PTPN12: variants seen among roughly 807,000 people sequenced by gnomAD.
PTPN12 encodes the protein protein tyrosine phosphatase non-receptor type 12.
In PTPN12, 29 loss-of-function variants were observed where a neutral mutation model predicts 97.6. The observed-to-expected ratio is 0.30, with a 90% confidence interval of 0.22 to 0.41. The LOEUF (loss-of-function observed/expected upper bound fraction) is 0.41. Ranked by LOEUF, PTPN12 falls within the 10% of genes least tolerant of loss-of-function variation. PTPN12 has a pLI of 1.00. For synonymous variants in PTPN12, 327 were observed against 300.4 expected (o/e 1.09, Z -0.91); for missense variants, 819 against 926.0 (o/e 0.88, Z 1.50).
chr7:77,576,722 A>G (rs1251014923), intron 2 of PTPN12, among the ~76,000 whole-genome samples: 1 of 152,162 alleles, frequency 6.6e-6, no homozygotes, highest in Non-Finnish European at 1.5e-5. Context: ...CCAATGAAGA[A>G]TATTAAAACA....
chr7:77,592,281 T>G, intron 6 of PTPN12, 25 bp downstream of exon 6: 1 of 1,572,616 alleles, frequency 6.4e-7, no homozygotes, highest in Non-Finnish European at 8.7e-7. Flanking sequence ...TTGTAAACAC[T>G]TTTTTCAGAA....
At chr7:77,638,501 T>C in intron 16 of PTPN12, 123 bp from the exon 17 acceptor site, 1 of 1,290,168 alleles carries the variant, frequency 7.8e-7, no homozygotes, top group Non-Finnish European at 9.9e-7. Flanking sequence ...CCTGTAAAAT[T>C]ATGGTGCCCA....
chr7:77,574,842 T>C, intron 2 of PTPN12, among the ~76,000 whole-genome samples: 1 of 151,764 alleles, frequency 6.6e-6, no homozygotes, highest in Non-Finnish European at 1.5e-5. Flanking sequence ...TTTTTTTTTC[T>C]TTTTTTTGAG....
chr7:77,580,912 C>T (rs903143595), intron 2 of PTPN12, among the ~76,000 whole-genome samples: 1 of 152,164 alleles, frequency 6.6e-6, no homozygotes, highest in African/African-American at 2.4e-5. Context: ...GCTGCAGAGG[C>T]TGAAACCCTA....
intron 12 of PTPN12, among the ~76,000 whole-genome samples, chr7:77,622,206 T>C (rs116227709): frequency 0.014 from 2,195 of 152,302 alleles, 56 homozygotes; most frequent in African/African-American, 0.05. Flanking sequence ...CCACCCATTT[T>C]GGCCTCCCAA....
chr7:77,555,563 A>G (rs946297929), intron 1 of PTPN12, among the ~76,000 whole-genome samples: 42 of 152,188 alleles, frequency 2.8e-4, no homozygotes, highest in African/African-American at 9.4e-4. Context: ...TGTCTAGTCT[A>G]CTAGTAAGCC....
rs1554326598 is a variant in PTPN12 at position 77,625,472 on chromosome 7, G to GCTTGCGCGCTCTCTCTCTCTCT, written c.1026-1231_1026-1230insTGCGCGCTCTCTCTCTCTCTCT. Among the ~76,000 whole-genome samples the GCTTGCGCGCTCTCTCTCTCTCT allele has an allele frequency of 2.4e-4, 8 of 33,522 alleles. 2 individuals are homozygous for GCTTGCGCGCTCTCTCTCTCTCT. Among genetic ancestry groups the GCTTGCGCGCTCTCTCTCTCTCT allele is most frequent in the African/African-American group, 1.1e-3 (8 of 7,510 alleles). 22.0% of individuals were successfully genotyped at this position (33,522 alleles called of 152,430 possible). ...TTTTGCCATATTGCCCAGGCTGCTCGCTCTCTCTCTCTCTCTCTCTCTCTC... is the reference window on the plus strand; with the variant it reads ...TTTTGCCATATTGCCCAGGCTGCTCGCTTGCGCGCTCTCTCTCTCTCTCTCTCTCTCTCTCTCTCTCTCTCTC... On this transcript the variant is annotated intron_variant, in intron 12 of 17. Coordinates refer to ENST00000248594, the MANE Select transcript of PTPN12 (RefSeq NM_002835.4).
At chr7:77,600,989 G>T in intron 8 of PTPN12, 183 bp downstream of exon 8, 1 of 542,512 alleles carries the variant, frequency 1.8e-6, no homozygotes, top group South Asian at 2.6e-5. Flanking sequence ...GAGTATTGTT[G>T]CATTAAAACA....
chr7:77,583,459 C>T, intron 3 of PTPN12, 96 bp from the exon 4 acceptor site: 1 of 766,278 alleles, frequency 1.3e-6, no homozygotes, highest in East Asian at 2.7e-5. Flanking sequence ...GTTAAAACAA[C>T]AATATTACTA....
At chr7:77,545,416 TAAAAA>T (rs1034549335) in intron 1 of PTPN12, among the ~76,000 whole-genome samples, 14 of 152,182 alleles carry the variant, frequency 9.2e-5, no homozygotes, top group African/African-American at 2.9e-4. Context: ...AAATATAAGT[TAAAAA>T]AACTCATTGC....
chr7:77,601,032 G>T, intron 8 of PTPN12: 1 of 453,792 alleles, frequency 2.2e-6, no homozygotes, highest in Admixed American at 3.9e-5. Flanking sequence ...GTATTCACAT[G>T]GTGGGAAGCT....
At chr7:77,581,339 C>CT in intron 2 of PTPN12, 88 bp from the exon 3 acceptor site, 3 of 775,404 alleles carry the variant, frequency 3.9e-6, no homozygotes, top group Non-Finnish European at 6.2e-6. Flanking sequence ...AATAAATGTT[C>CT]TTAAGCTGTC....
intron 8 of PTPN12, chr7:77,604,784 G>A (rs1788306116): frequency 7.0e-6 from 2 of 286,212 alleles, no homozygotes; most frequent in Non-Finnish European, 1.4e-5. Context: ...TATCCAATAT[G>A]TTTATATCAT....
intron 1 of PTPN12, among the ~76,000 whole-genome samples, chr7:77,545,526 A>G (rs1807172553): frequency 6.6e-6 from 1 of 151,976 alleles, no homozygotes; most frequent in Non-Finnish European, 1.5e-5. Flanking sequence ...CCTTTTTCAA[A>G]CTGTAATTAT....
chr7:77,572,708 T>C (rs372926690), intron 2 of PTPN12, among the ~76,000 whole-genome samples: 1 of 152,174 alleles, frequency 6.6e-6, no homozygotes, highest in Non-Finnish European at 1.5e-5. Context: ...TCTCTGTGCC[T>C]TGGTTTTGTC....
At chr7:77,612,324 A>G (rs1788598237) in intron 11 of PTPN12, among the ~76,000 whole-genome samples, 1 of 152,240 alleles carries the variant, frequency 6.6e-6, no homozygotes, top group Non-Finnish European at 1.5e-5. Flanking sequence ...TAACATAGGA[A>G]TTATTGTGCA....
chr7:77,612,196 G>A (rs951399885), intron 11 of PTPN12, among the ~76,000 whole-genome samples: 8 of 152,064 alleles, frequency 5.3e-5, no homozygotes, highest in African/African-American at 1.7e-4. Flanking sequence ...GCTGATCTCA[G>A]TTTGTTAGGA....
chr7:77,621,924 A>G (rs1345838109), intron 12 of PTPN12, among the ~76,000 whole-genome samples: 1 of 152,140 alleles, frequency 6.6e-6, no homozygotes, highest in Non-Finnish European at 1.5e-5. Flanking sequence ...ATGACTGTAC[A>G]TGTCTTTCAG....
At position 77,605,940 on chromosome 7, in the gene PTPN12, G is replaced by T. The variant is rs542934533; in HGVS notation, c.696-1295G>T. 2.3e-5 allele frequency among the ~76,000 whole-genome samples: 3 copies of T among 129,136 alleles called. No homozygotes were observed. The East Asian group carries it at 6.8e-4, about 29-fold the overall frequency. 84.7% of individuals were successfully genotyped at this position (129,136 alleles called of 152,430 possible). A position where few individuals can be genotyped will look rare whatever the true frequency, so the allele number is the denominator to read the frequency against. On this transcript the variant is annotated intron_variant, in intron 8 of 17. Transcript: ENST00000248594. ...TTTCCTCCTGTACTCTAAAACAAGA[G>T]CCATCTTTTTTTTTTTTTTTTTTTT...
Sources: gnomAD v4.1 joint callset for allele counts (sites outside exome capture counted in the v4.1 genomes callset) on GRCh38, gnomAD v4.1.1 for gene constraint, MANE v1.5 for transcripts, NCBI Gene and HGNC (gene_info 2026-07-23, HGNC 2026-07-21) for gene names.